Variants in NREP observed in about 807,000 individuals in gnomAD.
NREP encodes the protein neuronal regeneration related protein.
NREP carries 5 observed loss-of-function variants against 8.6 expected under a neutral mutation model. That is an observed-to-expected ratio of 0.58 (90% CI 0.30 to 1.22). The LOEUF (loss-of-function observed/expected upper bound fraction) is 1.22, where lower values mean the gene tolerates loss of function less well. Ranked by LOEUF, NREP falls within the 50% of genes most tolerant of loss-of-function variation. The pLI is 0.07. For missense variants in NREP, 86 were observed against 82.5 expected (o/e 1.04, Z -0.17); for synonymous variants, 27 against 28.0 (o/e 0.96, Z 0.11).
At chr5:111,931,033 A>C (rs1755522415) in intron 2 of NREP, among the ~76,000 whole-genome samples, 1 of 152,084 alleles carries the variant, frequency 6.6e-6, no homozygotes, top group Admixed American at 6.6e-5. Flanking sequence ...GCAGGGTAGA[A>C]GACAGAAAGA....
At chr5:111,889,311 A>C (rs1410771141) in intron 2 of NREP, among the ~76,000 whole-genome samples, 2 of 152,202 alleles carry the variant, frequency 1.3e-5, no homozygotes, top group African/African-American at 2.4e-5. Flanking sequence ...TTACACAATC[A>C]GATCTCATGA....
intron 2 of NREP, among the ~76,000 whole-genome samples, chr5:111,909,614 C>T (rs1430632741): frequency 6.6e-6 from 1 of 152,034 alleles, no homozygotes; most frequent in Admixed American, 6.6e-5. Flanking sequence ...TGATCTAAAA[C>T]CACCAAAGAG....
At chr5:111,941,957 G>A (rs1755840773) in intron 2 of NREP, among the ~76,000 whole-genome samples, 1 of 152,016 alleles carries the variant, frequency 6.6e-6, no homozygotes, top group African/African-American at 2.4e-5. Flanking sequence ...TTAACACCGT[G>A]TGTGGACTCT....
At chr5:111,809,892 TGTGTG>T (rs1752233087) in intron 2 of NREP, among the ~76,000 whole-genome samples, 1 of 151,506 alleles carries the variant, frequency 6.6e-6, no homozygotes, top group Non-Finnish European at 1.5e-5. Flanking sequence ...TGTGTGTGTG[TGTGTG>T]TGTGTGTGTG....
At chr5:111,804,698 A>AG (rs1056747982) in intron 2 of NREP, among the ~76,000 whole-genome samples, 4 of 151,448 alleles carry the variant, frequency 2.6e-5, no homozygotes, top group Admixed American at 2.6e-4. Flanking sequence ...GGAGAATAAG[A>AG]GAAAAAAAAA....
At chr5:111,916,822 C>A (rs1755072834) in intron 2 of NREP, among the ~76,000 whole-genome samples, 1 of 152,062 alleles carries the variant, frequency 6.6e-6, no homozygotes, top group Non-Finnish European at 1.5e-5. Flanking sequence ...GGCAGCAAAT[C>A]CATATGGGTA....
Position 111,953,970 on chromosome 5 carries a change from T to A in NREP, c.135+21304A>T, listed in dbSNP as rs563609299. 5.3e-5 allele frequency among the ~76,000 whole-genome samples: 8 copies of A among 152,202 alleles called. No individual in the cohort carries two copies. In the East Asian group the frequency reaches 1.5e-3, roughly 29 times the overall value. ...TGAGGGAGTATCAGCATGTTTAACATGGGTTAGGGCCAGAGAGTAAGGTAT... is the reference window on the plus strand; with the variant it reads ...TGAGGGAGTATCAGCATGTTTAACAAGGGTTAGGGCCAGAGAGTAAGGTAT... On this transcript the variant is annotated intron_variant, in intron 2 of 3. Coordinates refer to the NREP transcript ENST00000395634.
At chr5:111,732,643 T>C (rs1014845255) in intron 3 of NREP, 2 of 138,006 alleles carry the variant, frequency 1.4e-5, no homozygotes, top group African/African-American at 5.4e-5. Flanking sequence ...GGAATCTTGG[T>C]ACACAGTCCC....
chr5:111,970,397 G>C (rs1241633124), intron 2 of NREP, among the ~76,000 whole-genome samples: 1 of 152,170 alleles, frequency 6.6e-6, no homozygotes, highest in Non-Finnish European at 1.5e-5. Context: ...GGATTTACCT[G>C]TGCTGGCTTT....
intron 2 of NREP, among the ~76,000 whole-genome samples, chr5:111,955,489 CAAAAAACAAAAAAA>C (rs1248503498): frequency 1.4e-4 from 17 of 119,806 alleles, no homozygotes; most frequent in Non-Finnish European, 2.3e-4. Flanking sequence ...AAACAAAAAA[CAAAAAACAAAAAAA>C]AAAAACACAT....
intron 2 of NREP, among the ~76,000 whole-genome samples, chr5:111,821,844 G>A (rs973742495): frequency 3.3e-5 from 5 of 152,212 alleles, no homozygotes; most frequent in Middle Eastern, 3.4e-3. Flanking sequence ...GAACTCAGAA[G>A]AGGGTATTTA....
intron 2 of NREP, among the ~76,000 whole-genome samples, chr5:111,918,994 C>G (rs1394644823): frequency 1.3e-5 from 2 of 152,098 alleles, no homozygotes; most frequent in Non-Finnish European, 2.9e-5. Context: ...TGACAAAGAA[C>G]TAATATCCAG....
chr5:111,747,242 AAAG>A (rs1473770201), intron 2 of NREP, among the ~76,000 whole-genome samples: 2 of 152,214 alleles, frequency 1.3e-5, no homozygotes, highest in African/African-American at 2.4e-5. Flanking sequence ...GTTGGCTGGC[AAAG>A]AAGCAGTATC....
chr5:111,886,921 A>G (rs553895963), intron 2 of NREP, among the ~76,000 whole-genome samples: 9 of 152,140 alleles, frequency 5.9e-5, no homozygotes, highest in East Asian at 1.9e-4. Context: ...ATGTATACAT[A>G]TGTAACTAAA....
At chr5:111,932,939 C>A (rs1023743013) in intron 2 of NREP, among the ~76,000 whole-genome samples, 1 of 152,014 alleles carries the variant, frequency 6.6e-6, no homozygotes, top group African/African-American at 2.4e-5. Flanking sequence ...TTACCCTAAC[C>A]AGACAAGGTC....
intron 2 of NREP, among the ~76,000 whole-genome samples, chr5:111,917,033 T>C (rs1217763442): frequency 6.6e-6 from 1 of 152,102 alleles, no homozygotes; most frequent in Non-Finnish European, 1.5e-5. Context: ...ATTTGACCTT[T>C]TGACTTGGGG....
At chr5:111,818,334 A>G (rs1752439617) in intron 2 of NREP, among the ~76,000 whole-genome samples, 1 of 152,216 alleles carries the variant, frequency 6.6e-6, no homozygotes, top group Non-Finnish European at 1.5e-5. Flanking sequence ...TTACAAAAAG[A>G]AACTTTAAAA....
chr5:111,942,927 G>A (rs944443438), intron 2 of NREP, among the ~76,000 whole-genome samples: 2 of 151,924 alleles, frequency 1.3e-5, no homozygotes, highest in Admixed American at 6.6e-5. Flanking sequence ...AGGCTGTTTT[G>A]AAACTGAATC....
intron 2 of NREP, among the ~76,000 whole-genome samples, chr5:111,810,594 C>T (rs1386961860): frequency 6.6e-6 from 1 of 152,114 alleles, no homozygotes; most frequent in Non-Finnish European, 1.5e-5. Context: ...CAGTAAAGTA[C>T]AATTTATTTT....
Sources: gnomAD v4.1 joint callset for allele counts (sites outside exome capture counted in the v4.1 genomes callset) on GRCh38, gnomAD v4.1.1 for gene constraint, MANE v1.5 for transcripts, NCBI Gene and HGNC (gene_info 2026-07-23, HGNC 2026-07-21) for gene names.